Variants in MVB12B observed in about 807,000 individuals in gnomAD.
The protein encoded by MVB12B is multivesicular body subunit 12B, also known as ESCRT-I complex subunit MVB12B.
MVB12B carries 16 observed loss-of-function variants against 41.6 expected under a neutral mutation model. The observed-to-expected ratio is 0.38, with a 90% CI of 0.26 to 0.58. The LOEUF (loss-of-function observed/expected upper bound fraction) is 0.58, where lower values mean the gene tolerates loss of function less well. Ranked by LOEUF, MVB12B falls within the 20% of genes least tolerant of loss-of-function variation. The pLI is 0.62. For synonymous variants in MVB12B, 133 were observed against 139.7 expected (o/e 0.95, Z 0.34); for missense variants, 274 against 380.2 (o/e 0.72, Z 2.32).
At chr9:126,423,547 A>G (rs568542157) in intron 7 of MVB12B, among the ~76,000 whole-genome samples, 182 of 152,368 alleles carry the variant, frequency 1.2e-3, no homozygotes, top group Non-Finnish European at 2.0e-3. Context: ...ATTGGATTTT[A>G]TCTTCCAAAC....
intron 1 of MVB12B, among the ~76,000 whole-genome samples, chr9:126,338,165 C>T (rs1290705097): frequency 6.6e-6 from 1 of 152,226 alleles, no homozygotes; most frequent in African/African-American, 2.4e-5. Flanking sequence ...AGGCCGCCTC[C>T]GTCCGGGGCA....
intron 6 of MVB12B, chr9:126,397,339 C>T (rs944748209): frequency 2.0e-6 from 2 of 985,418 alleles, no homozygotes; most frequent in Admixed American, 6.1e-5. Context: ...GTCACTTGCA[C>T]CTGAAGCAAG....
intron 6 of MVB12B, among the ~76,000 whole-genome samples, chr9:126,407,198 A>G (rs941029179): frequency 1.3e-5 from 2 of 152,196 alleles, no homozygotes; most frequent in African/African-American, 4.8e-5. Flanking sequence ...ACTTATTGGT[A>G]CAGCACACCT....
chr9:126,378,622 T>G, intron 2 of MVB12B, among the ~76,000 whole-genome samples: 1 of 152,004 alleles, frequency 6.6e-6, no homozygotes, highest in Admixed American at 6.5e-5. Context: ...TCTCTCTCTC[T>G]CTTCTCTGTC....
At chr9:126,421,476 C>G (rs768828926) in intron 6 of MVB12B, among the ~76,000 whole-genome samples, 30 of 152,218 alleles carry the variant, frequency 2.0e-4, no homozygotes, top group Non-Finnish European at 3.4e-4. Context: ...TGGAATAAAC[C>G]AAGGCTGGTG....
intron 7 of MVB12B, among the ~76,000 whole-genome samples, chr9:126,476,750 G>T (rs972391339): frequency 6.6e-5 from 10 of 151,594 alleles, no homozygotes. Flanking sequence ...GGTGGCGGGT[G>T]CCTGTAGTCC....
chr9:126,395,782 C>A lies in MVB12B; in HGVS notation c.662+85C>A. 1 of 1,564,644 alleles carries A rather than the reference C, an allele frequency of 6.4e-7. No homozygotes were observed. The highest frequency in any genetic ancestry group is 1.2e-5 in the South Asian group (1 of 83,414). Reference sequence around the variant, plus strand: ...TTAGAACACCACCACTTAGTGTCTGCTGAAATACTGCAAAGTACAGCTGAA... The same window carrying A: ...TTAGAACACCACCACTTAGTGTCTGATGAAATACTGCAAAGTACAGCTGAA... On this transcript the variant is annotated intron_variant, in intron 6 of 9. Transcript: ENST00000361171. This position sits in a 1 kb window ranked among gnomAD's most constrained non-coding sequence, Gnocchi z 4.9.
intron 2 of MVB12B, among the ~76,000 whole-genome samples, chr9:126,369,391 A>G (rs1030322303): frequency 7.9e-5 from 12 of 152,240 alleles, no homozygotes; most frequent in Admixed American, 7.2e-4. Flanking sequence ...GCAAATGTCT[A>G]TGTATCCACC....
chr9:126,414,679 C>T (rs534461414), intron 6 of MVB12B, among the ~76,000 whole-genome samples: 3 of 152,224 alleles, frequency 2.0e-5, no homozygotes, highest in African/African-American at 4.8e-5. Context: ...CCTCAGTCTG[C>T]TGGGGAGCTT....
chr9:126,496,516 C>G (rs1478464707), intron 9 of MVB12B, among the ~76,000 whole-genome samples: 1 of 142,852 alleles, frequency 7.0e-6, no homozygotes, highest in Non-Finnish European at 1.5e-5. Flanking sequence ...CTACTGGGCT[C>G]TGGAGCTACA....
chr9:126,397,650 G>C, intron 6 of MVB12B: 1 of 985,150 alleles, frequency 1.0e-6, no homozygotes. Flanking sequence ...TCTCCTGTGC[G>C]GTAATTTACA....
At chr9:126,496,894 C>T (rs1420190689) in intron 9 of MVB12B, among the ~76,000 whole-genome samples, 1 of 152,106 alleles carries the variant, frequency 6.6e-6, no homozygotes, top group Non-Finnish European at 1.5e-5. Context: ...CCCCAGGGGA[C>T]AGGCAGCCTA....
At chr9:126,433,819 A>C (rs899866926) in intron 7 of MVB12B, among the ~76,000 whole-genome samples, 1 of 152,046 alleles carries the variant, frequency 6.6e-6, no homozygotes, top group Non-Finnish European at 1.5e-5. Flanking sequence ...GCCTGCTTCC[A>C]GCCCCCTGAG....
At chr9:126,463,157 A>G (rs1255762927) in intron 7 of MVB12B, among the ~76,000 whole-genome samples, 3 of 152,146 alleles carry the variant, frequency 2.0e-5, no homozygotes, top group Non-Finnish European at 2.9e-5. Flanking sequence ...GCCCTTTCCC[A>G]GGGAAATGGT....
intron 2 of MVB12B, among the ~76,000 whole-genome samples, chr9:126,378,099 G>A (rs1294368246): frequency 6.6e-6 from 1 of 152,216 alleles, no homozygotes; most frequent in Non-Finnish European, 1.5e-5. Context: ...CATGCTGCAC[G>A]CAAAGCATTT....
chr9:126,484,588 T>G (rs1833594420), intron 9 of MVB12B, among the ~76,000 whole-genome samples: 1 of 13,934 alleles, frequency 7.2e-5, no homozygotes, highest in African/African-American at 1.5e-4. Context: ...TCAGGGTACC[T>G]TCCACTGTGC....
intron 7 of MVB12B, among the ~76,000 whole-genome samples, chr9:126,432,522 GATTAA>G (rs1832357174): frequency 1.3e-5 from 2 of 152,170 alleles, no homozygotes; most frequent in Non-Finnish European, 2.9e-5. Context: ...TATTAAAATG[GATTAA>G]ATTAATTAAA....
intron 2 of MVB12B, among the ~76,000 whole-genome samples, chr9:126,374,547 G>A (rs1830429657): frequency 6.6e-6 from 1 of 152,188 alleles, no homozygotes; most frequent in Admixed American, 6.5e-5. Context: ...CAGGGGTGGG[G>A]GCCAGGTCCC....
chr9:126,438,945 C>T (rs1832563365), intron 7 of MVB12B, among the ~76,000 whole-genome samples: 1 of 152,068 alleles, frequency 6.6e-6, no homozygotes, highest in Non-Finnish European at 1.5e-5. Context: ...CTGCAAGGTC[C>T]ATCTGCTTGC....
Sources: gnomAD v4.1 joint callset for allele counts (sites outside exome capture counted in the v4.1 genomes callset) on GRCh38, gnomAD v4.1.1 for gene constraint, Gnocchi (gnomAD v3.1) non-coding constraint, MANE v1.5 for transcripts, NCBI Gene and HGNC (gene_info 2026-07-23, HGNC 2026-07-21) for gene names.